UBA5: variants seen among roughly 807,000 people sequenced by gnomAD.
UBA5 encodes ubiquitin-like modifier-activating enzyme 5.
In UBA5, 28 loss-of-function variants were observed where a neutral mutation model predicts 52.9. The observed-to-expected ratio is 0.53, with a 90% CI of 0.39 to 0.73. The LOEUF (loss-of-function observed/expected upper bound fraction) is 0.73. Ranked by LOEUF, UBA5 falls within the 30% of genes least tolerant of loss-of-function variation. The pLI, the probability that UBA5 is intolerant of heterozygous loss-of-function variation, is 0.00. For missense variants in UBA5, 388 were observed against 492.7 expected, an observed-to-expected ratio of 0.79 and a Z score of 2.01; for synonymous variants, 135 against 162.1, an observed-to-expected ratio of 0.83 and a Z score of 1.27.
intron 8 of UBA5, among the ~76,000 whole-genome samples, chr3:132,673,209 A>G (rs900890035): frequency 2.0e-5 from 3 of 152,184 alleles, no homozygotes; most frequent in Non-Finnish European, 2.9e-5. Context: ...CATGGCTAAC[A>G]AAGTATTCCC....
chr3:132,657,780 C>A (rs1021681075), upstream of UBA5, among the ~76,000 whole-genome samples: 1 of 150,864 alleles, frequency 6.6e-6, no homozygotes, highest in African/African-American at 2.4e-5. Flanking sequence ...ATTATTGGCT[C>A]TTTAATCCAT....
chr3:132,659,278 A>G (rs1406275577), upstream of UBA5, among the ~76,000 whole-genome samples: 1 of 152,256 alleles, frequency 6.6e-6, no homozygotes, highest in East Asian at 1.9e-4. Context: ...GCTGTATCAC[A>G]AAAGAAGGCA....
In UBA5 at chr3:132,676,354, C is replaced by A; in HGVS notation, c.1132-89C>A. On this transcript the variant is annotated intron_variant, in intron 11 of 11. Transcript: ENST00000356232. This position sits in a 1 kb window ranked among gnomAD's most constrained non-coding sequence, Gnocchi z 4.1. Reference sequence around the variant, plus strand: ...AAATTTACTTTATAACCTTGTTGAGCATGGTCAAAACTTGCTGATTATATA... The same window carrying A: ...AAATTTACTTTATAACCTTGTTGAGAATGGTCAAAACTTGCTGATTATATA... The A allele has an allele frequency of 1.0e-6, 1 of 999,890 alleles. No individual in the cohort carries two copies. Among genetic ancestry groups the A allele is most frequent in the Non-Finnish European group, 1.5e-6 (1 of 663,022 alleles). The allele number at this position is 999,890 out of a possible 1,614,324, so 61.9% of individuals were successfully genotyped here.
At chr3:132,664,752 G>A (rs1222355460) in intron 1 of UBA5, among the ~76,000 whole-genome samples, 1 of 152,114 alleles carries the variant, frequency 6.6e-6, no homozygotes, top group Non-Finnish European at 1.5e-5. Context: ...AGACTTTGTA[G>A]TATAATGATG....
At chr3:132,664,315 C>T (rs61437184) in intron 1 of UBA5, among the ~76,000 whole-genome samples, 9,892 of 152,096 alleles carry the variant, frequency 0.065, 1,086 homozygotes, top group African/African-American at 0.22. Context: ...GTTAAACTAT[C>T]GATTAAGAGT....
upstream of UBA5, among the ~76,000 whole-genome samples, chr3:132,656,962 T>C (rs1267736130): frequency 1.3e-5 from 2 of 152,172 alleles, no homozygotes; most frequent in African/African-American, 4.8e-5. Context: ...TCTGAATATT[T>C]TAACCATTAT....
At chr3:132,671,258 CA>C (rs1938588729) in intron 6 of UBA5, among the ~76,000 whole-genome samples, 1 of 152,142 alleles carries the variant, frequency 6.6e-6, no homozygotes, top group African/African-American at 2.4e-5. Context: ...ACATGTGTTA[CA>C]GTATCCTACT....
Position 132,678,044 on chromosome 3 carries a change from C to A in UBA5, c.*1518C>A, listed in dbSNP as rs1938907786. On this transcript the variant is annotated 3_prime_UTR_variant, in exon 12 of 12. Transcript: ENST00000356232. The stretch of plus-strand genomic sequence containing the variant: ...CAAAAATAAATTTCCTTTGGAAATT[C>A]TTGCATATCAATTTAGTAAGGTTTT... The A allele has an allele frequency of 6.6e-6, 1 of 152,054 alleles. No individual in the cohort carries two copies. The highest frequency in any genetic ancestry group is 1.5e-5 in the Non-Finnish European group (1 of 67,982). The allele number at this position is 152,054 out of a possible 1,614,324, so 9.4% of individuals were successfully genotyped here.
chr3:132,678,656 A>AT lies in UBA5; in HGVS notation c.*2133dup, dbSNP rs944302037. On this transcript the variant is annotated 3_prime_UTR_variant, in exon 12 of 12. Transcript: ENST00000356232. ...GCCACTTAAGAATATTTATTTATTT[A>AT]TTTATTTTTTTGAGACAGAGTCTCA... Among the ~76,000 whole-genome samples, 9 of 151,966 alleles carry AT rather than the reference A, an allele frequency of 5.9e-5. No homozygotes were observed. The highest frequency in any genetic ancestry group is 2.2e-4 in the African/African-American group (9 of 41,386).
At chr3:132,665,563 G>A (rs1311338546) in intron 1 of UBA5, among the ~76,000 whole-genome samples, 4 of 151,984 alleles carry the variant, frequency 2.6e-5, no homozygotes, top group South Asian at 2.1e-4. Flanking sequence ...AGTAGTAGTC[G>A]CAATCTTGGC....
At chr3:132,675,773 G>A (rs1191046277) in intron 10 of UBA5, 44 bp from the exon 11 acceptor site, 1 of 1,542,186 alleles carries the variant, frequency 6.5e-7, no homozygotes, top group Admixed American at 1.8e-5. Context: ...AATAATTATT[G>A]CTTATTAAAT....
rs746815612 is a variant in UBA5 at position 132,666,002 on chromosome 3, G to C, written c.226G>C (p.Val76Leu). 4 of 1,613,390 alleles carry C rather than the reference G, an allele frequency of 2.5e-6. No individual in the cohort carries two copies. The African/African-American group carries it at 5.3e-5, about 22-fold the overall frequency. ...TTCACAGAAAATCCGTACCTTTGCC[G>C]TAGCAATAGTAGGTGTTGGTGGAGT... Reference protein sequence around the residue: ...SDYEKIRTFAVAIVGVGGVGS... With the variant: ...SDYEKIRTFALAIVGVGGVGS... The change falls in exon 3 of 12, where the codon GTA (valine) becomes CTA (leucine). Residue 76 changes from valine (V) to leucine (L), a missense_variant. Physicochemically the swap from Val to Leu is conservative, Grantham distance 32 (BLOSUM62 1). Around this residue, in one of 3 missense-constraint regions of UBA5, gnomAD observed 95 missense variants for 107.0 expected, o/e 0.89. Transcript: ENST00000356232.
chr3:132,671,602 CTTT>C (rs1389548157), intron 6 of UBA5, among the ~76,000 whole-genome samples, 172 bp from the exon 7 acceptor site: 2 of 152,164 alleles, frequency 1.3e-5, no homozygotes, highest in Non-Finnish European at 2.9e-5. Context: ...TCACTCTACT[CTTT>C]AAATAGAGTA....
chr3:132,660,156 T>C, upstream of UBA5: 1 of 354,838 alleles, frequency 2.8e-6, no homozygotes, highest in Non-Finnish European at 5.1e-6. This position sits in a 1 kb window ranked among gnomAD's most constrained non-coding sequence, Gnocchi z 4.1. Context: ...CTGTCGAGCC[T>C]AAGAATAAAA....
chr3:132,670,929 G>T (rs779990586), intron 5 of UBA5, 36 bp from the exon 6 acceptor site: 1 of 1,490,970 alleles, frequency 6.7e-7, no homozygotes, highest in South Asian at 1.1e-5. Flanking sequence ...TGTATTTTGT[G>T]TCCTGATGTT....
At chr3:132,668,243 A>G (rs1456550914) in intron 3 of UBA5, 1 of 152,328 alleles carries the variant, frequency 6.6e-6, no homozygotes. Context: ...AGGAAACAAC[A>G]ATTAACTGGT....
At position 132,660,846 on chromosome 3, in the gene UBA5, C is replaced by G. The variant is rs1938123333; in HGVS notation, c.161+148C>G. On this transcript the variant is annotated intron_variant, in intron 1 of 11. Transcript: ENST00000356232. The surrounding 1 kb of genome is among the most constrained non-coding windows in gnomAD (Gnocchi z 4.1). Reference sequence around the variant, plus strand: ...AATCCTGTTCCCAAATGGGCAAGGCCACATCTTAGTACTGATCGGAAGATA... The same window carrying G: ...AATCCTGTTCCCAAATGGGCAAGGCGACATCTTAGTACTGATCGGAAGATA... 2 of 1,447,518 alleles carry G rather than the reference C, an allele frequency of 1.4e-6. No individual in the cohort carries two copies. Among genetic ancestry groups the G allele is most frequent in the Non-Finnish European group, 1.8e-6 (2 of 1,099,818 alleles). 89.7% of individuals were successfully genotyped at this position (1,447,518 alleles called of 1,614,324 possible). A position where few individuals can be genotyped will look rare whatever the true frequency, so the allele number is the denominator to read the frequency against.
chr3:132,663,228 G>T (rs1938241362), intron 1 of UBA5, among the ~76,000 whole-genome samples: 1 of 152,012 alleles, frequency 6.6e-6, no homozygotes, highest in Admixed American at 6.5e-5. Context: ...ACTTCAGGTA[G>T]GGCTAAAAAA....
chr3:132,676,972 T>C lies in UBA5; in HGVS notation c.*446T>C. ...ATTAGAGCTGGCAAGCATCTGCTCA[T>C]TATGTTTGGAATTGCTTTCTATAAG... On this transcript the variant is annotated 3_prime_UTR_variant, in exon 12 of 12. Coordinates refer to ENST00000356232, the MANE Select transcript of UBA5 (RefSeq NM_024818.6). The surrounding 1 kb of genome is among the most constrained non-coding windows in gnomAD (Gnocchi z 4.1). 1 of 402,008 alleles carries C rather than the reference T, an allele frequency of 2.5e-6. No individual in the cohort carries two copies. The highest frequency in any genetic ancestry group is 2.7e-5 in the Admixed American group (1 of 37,164). The allele number at this position is 402,008 out of a possible 1,614,324, so 24.9% of individuals were successfully genotyped here. A position where few individuals can be genotyped will look rare whatever the true frequency, so the allele number is the denominator to read the frequency against.
Sources: allele counts gnomAD v4.1 joint callset (sites outside exome capture counted in the v4.1 genomes callset), GRCh38; gene constraint gnomAD v4.1.1; regional missense constraint gnomAD v4.1.1; non-coding constraint Gnocchi (gnomAD v3.1); transcripts MANE v1.5; gene names NCBI Gene and HGNC (gene_info 2026-07-23, HGNC 2026-07-21).